Variants in DEPDC5 observed in about 807,000 individuals in gnomAD.
DEPDC5 encodes the protein DEP domain containing 5, GATOR1 subcomplex subunit, also known as GATOR1 complex protein DEPDC5.
A neutral mutation model predicts 217.3 loss-of-function variants in DEPDC5; 73 were observed. The ratio of observed to expected loss-of-function variants is 0.34; its 90% CI spans 0.28 to 0.41. The LOEUF (loss-of-function observed/expected upper bound fraction) is 0.41, where lower values mean the gene tolerates loss of function less well. Ranked by LOEUF, DEPDC5 falls within the 10% of genes least tolerant of loss-of-function variation. The pLI, the probability that DEPDC5 is intolerant of heterozygous loss-of-function variation, is 1.00. For synonymous variants in DEPDC5, 733 were observed against 756.7 expected (o/e 0.97, Z 0.51); for missense variants, 1,675 against 2,070.1 (o/e 0.81, Z 3.70).
intron 8 of DEPDC5, among the ~76,000 whole-genome samples, chr22:31,782,594 G>A (rs532703146): frequency 6.6e-6 from 1 of 152,258 alleles, no homozygotes; most frequent in African/African-American, 2.4e-5. Flanking sequence ...TTTTCCTTGA[G>A]GCAGTCTGAG....
At position 31,809,717 on chromosome 22, in the gene DEPDC5, C is replaced by T. The variant is rs76200772; in HGVS notation, c.1324+70C>T. On this transcript the variant is annotated intron_variant, in intron 19 of 42. Transcript: ENST00000651528. Reference sequence around the variant, plus strand: ...TCAGCTGGCTGGGTGCAGTGGCTCACGCCTATAATCCCAGCACTTTGGGAG... The same window carrying T: ...TCAGCTGGCTGGGTGCAGTGGCTCATGCCTATAATCCCAGCACTTTGGGAG... 151,602 of 1,538,232 alleles carry T rather than the reference C, an allele frequency of 0.099. 8,216 individuals are homozygous for T. Among genetic ancestry groups the T allele is most frequent in the South Asian group, 0.19 (16,600 of 89,398 alleles).
chr22:31,778,267 G>A, intron 8 of DEPDC5, 99 bp downstream of exon 8: 2 of 1,208,896 alleles, frequency 1.7e-6, no homozygotes, highest in South Asian at 1.3e-5. Context: ...GGACACCAAG[G>A]TGGGCAGATT....
chr22:31,870,866 G>A, intron 34 of DEPDC5, 122 bp downstream of exon 34: 2 of 1,153,346 alleles, frequency 1.7e-6, no homozygotes, highest in East Asian at 2.9e-5. Flanking sequence ...AGTCACATGC[G>A]ACCCTGGGCA....
intron 21 of DEPDC5, 173 bp downstream of exon 21, chr22:31,815,385 C>CTTTT (rs10712869): frequency 2.4e-3 from 1,403 of 578,360 alleles, no homozygotes; most frequent in South Asian, 6.4e-3. Flanking sequence ...TATTATACTT[C>CTTTT]TTTTTTTTTT....
At chr22:31,804,072 AC>A in intron 15 of DEPDC5, 89 bp from the exon 16 acceptor site, 1 of 1,257,796 alleles carries the variant, frequency 8.0e-7, no homozygotes, top group Non-Finnish European at 1.2e-6. Context: ...AGCTTTGCCT[AC>A]TACCCATTTA....
intron 22 of DEPDC5, among the ~76,000 whole-genome samples, chr22:31,820,906 C>T (rs755356799): frequency 5.9e-5 from 9 of 152,172 alleles, no homozygotes; most frequent in African/African-American, 1.4e-4. Context: ...GTCTCCTGCA[C>T]GTTTTGCCTC....
intron 37 of DEPDC5, 59 bp downstream of exon 37, chr22:31,876,324 C>T (rs2092991845): frequency 1.5e-6 from 2 of 1,335,504 alleles, no homozygotes; most frequent in Admixed American, 3.5e-5. Flanking sequence ...TGGTGACTTG[C>T]TCTTTCACAT....
chr22:31,812,687 G>T (rs1166952516), intron 20 of DEPDC5, among the ~76,000 whole-genome samples: 1 of 146,490 alleles, frequency 6.8e-6, no homozygotes, highest in Non-Finnish European at 1.5e-5. Context: ...GCCTCCCAAA[G>T]TGGTGGGATT....
Position 31,893,762 on chromosome 22 carries a change from T to G in DEPDC5, c.4203+11T>G. Reference sequence around the variant, plus strand: ...GTACTCTTCGAGATGGTGAGAACCTTCATGCATGTTGTCAGGCCTTTGGCT... The same window carrying G: ...GTACTCTTCGAGATGGTGAGAACCTGCATGCATGTTGTCAGGCCTTTGGCT... On this transcript the variant is annotated intron_variant, in intron 39 of 42. Coordinates refer to ENST00000651528, the MANE Select transcript of DEPDC5 (RefSeq NM_001242896.3). 6.3e-7 allele frequency: 1 copy of G among 1,587,678 alleles called. No homozygotes were observed. Among genetic ancestry groups the G allele is most frequent in the Non-Finnish European group, 8.6e-7 (1 of 1,168,178 alleles).
intron 6 of DEPDC5, among the ~76,000 whole-genome samples, chr22:31,767,144 GTT>G (rs11367950): frequency 1.4e-5 from 2 of 145,674 alleles, no homozygotes; most frequent in African/African-American, 5.0e-5. Context: ...TGTATTCATT[GTT>G]TTTTTTTTTT....
intron 24 of DEPDC5, among the ~76,000 whole-genome samples, chr22:31,827,521 G>A (rs1458453286): frequency 6.6e-6 from 1 of 152,052 alleles, no homozygotes; most frequent in Non-Finnish European, 1.5e-5. Context: ...CTTCCATATC[G>A]TTTATTTTCA....
intron 8 of DEPDC5, 87 bp downstream of exon 8, chr22:31,778,255 C>A: frequency 7.3e-7 from 1 of 1,360,618 alleles, no homozygotes; most frequent in Non-Finnish European, 1.0e-6. Context: ...AAGGGCGGGG[C>A]AGGACACCAA....
intron 31 of DEPDC5, among the ~76,000 whole-genome samples, chr22:31,851,587 C>T (rs949836353): frequency 1.5e-4 from 23 of 152,138 alleles, no homozygotes; most frequent in Admixed American, 1.4e-3. Flanking sequence ...AGGCCAGAGG[C>T]TGTGTGCCAT....
At chr22:31,828,049 T>C (rs2090288151) in intron 24 of DEPDC5, among the ~76,000 whole-genome samples, 1 of 152,196 alleles carries the variant, frequency 6.6e-6, no homozygotes, top group African/African-American at 2.4e-5. Context: ...TATTTCTCCA[T>C]TGTGCCACCT....
chr22:31,901,890 C>A, intron 41 of DEPDC5, 88 bp downstream of exon 41: 1 of 1,265,342 alleles, frequency 7.9e-7, no homozygotes, highest in Non-Finnish European at 1.1e-6. Flanking sequence ...ATTTTTTTAG[C>A]TCCTAGAGAA....
chr22:31,900,108 G>A (rs879555282), intron 40 of DEPDC5, among the ~76,000 whole-genome samples: 44 of 152,088 alleles, frequency 2.9e-4, no homozygotes, highest in Admixed American at 4.6e-4. Flanking sequence ...GTGCAGTGGC[G>A]CAATCTCAGC....
intron 35 of DEPDC5, chr22:31,874,016 C>G: frequency 2.7e-6 from 1 of 376,674 alleles, no homozygotes; most frequent in Non-Finnish European, 4.8e-6. Flanking sequence ...TGGTCTCAAA[C>G]TCCTGACCTC....
At chr22:31,895,483 C>T (rs1207295114) in intron 39 of DEPDC5, among the ~76,000 whole-genome samples, 2 of 152,200 alleles carry the variant, frequency 1.3e-5, no homozygotes, top group African/African-American at 4.8e-5. Flanking sequence ...AGGACAGCTC[C>T]TTAACCATCT....
chr22:31,857,566 G>A lies in DEPDC5; in HGVS notation c.3264+13G>A, dbSNP rs377268492. On this transcript the variant is annotated intron_variant, in intron 32 of 42. Transcript: ENST00000651528. The stretch of plus-strand genomic sequence containing the variant: ...CAGCCCACGAAAGGTAAAGGAAGCC[G>A]CGGTAGCAGGGAGCTGTTCTGTGCT... 4.3e-5 allele frequency: 68 copies of A among 1,595,092 alleles called. No individual in the cohort carries two copies. The highest frequency in any genetic ancestry group is 4.1e-5 in the Non-Finnish European group (48 of 1,169,476).
Sources: allele counts gnomAD v4.1 joint callset (sites outside exome capture counted in the v4.1 genomes callset), GRCh38; gene constraint gnomAD v4.1.1; transcripts MANE v1.5; gene names NCBI Gene and HGNC (gene_info 2026-07-23, HGNC 2026-07-21).